Variants in CEP63 observed in about 807,000 individuals in gnomAD.
CEP63 encodes centrosomal protein 63, also known as centrosomal protein of 63 kDa.
CEP63 carries 84 observed loss-of-function variants against 89.1 expected under a neutral mutation model. That is an observed-to-expected ratio of 0.94 (90% CI 0.79 to 1.13). CEP63 has a LOEUF of 1.13. Among genes scored for constraint, CEP63 ranks in the 50% most tolerant of loss-of-function variants. The probability of loss-of-function intolerance (pLI) is 0.00; values close to 1 mark genes in which losing one functional copy is unlikely to be tolerated. For missense variants in CEP63, 838 were observed against 813.3 expected (o/e 1.03, Z -0.37); for synonymous variants, 267 against 272.5 (o/e 0.98, Z 0.20).
chr3:134,509,130 G>T (rs570887475), intron 3 of CEP63, among the ~76,000 whole-genome samples: 2 of 152,222 alleles, frequency 1.3e-5, no homozygotes, highest in South Asian at 4.1e-4. Flanking sequence ...GAAATCTGAG[G>T]CTGGGTAATT....
At chr3:134,587,387 G>A (rs1443180736) in intron 10 of CEP63, among the ~76,000 whole-genome samples, 1 of 152,128 alleles carries the variant, frequency 6.6e-6, no homozygotes, top group Non-Finnish European at 1.5e-5. Context: ...TGGTGTGGAT[G>A]TCCTTTTTGT....
In CEP63 at chr3:134,510,059, A is replaced by T. The variant is rs188378069; in HGVS notation, c.222+2773A>T. On this transcript the variant is annotated intron_variant, in intron 3 of 14. Transcript: ENST00000675561. The stretch of plus-strand genomic sequence containing the variant: ...ATGTGTTTTGGAGAGGGAGAGAATT[A>T]ACAGCCTTTCTCTGCCTTAGAATAC... Among the ~76,000 whole-genome samples the T allele has an allele frequency of 3.3e-5, 5 of 152,304 alleles. No individual in the cohort carries two copies. In the East Asian group the frequency reaches 9.7e-4, roughly 29 times the overall value.
At chr3:134,602,174 G>A in the CEP63 span, among the ~76,000 whole-genome samples, 1 of 152,170 alleles carries the variant, frequency 6.6e-6, no homozygotes, top group Non-Finnish European at 1.5e-5. Flanking sequence ...AGCTGGAGAA[G>A]CCGGGAGTTC....
chr3:134,497,081 T>C (rs1940344610), intron 2 of CEP63, among the ~76,000 whole-genome samples: 2 of 152,228 alleles, frequency 1.3e-5, no homozygotes, highest in Non-Finnish European at 2.9e-5. Context: ...TTTAGAGAAA[T>C]GTCTATTCAA....
At chr3:134,578,249 C>T (rs1011530956), downstream of CEP63, among the ~76,000 whole-genome samples, 1 of 151,666 alleles carries the variant, frequency 6.6e-6, no homozygotes, top group South Asian at 2.1e-4. Flanking sequence ...AGTGTAAAAG[C>T]GTTCCTATTT....
the CEP63 span, among the ~76,000 whole-genome samples, chr3:134,623,010 C>A: frequency 6.6e-6 from 1 of 152,244 alleles, no homozygotes; most frequent in Non-Finnish European, 1.5e-5. Flanking sequence ...GTTTCATTTT[C>A]TTCTACGTCC....
the CEP63 span, among the ~76,000 whole-genome samples, chr3:134,635,980 T>G: frequency 1.3e-5 from 2 of 152,236 alleles, no homozygotes; most frequent in Non-Finnish European, 2.9e-5. Flanking sequence ...AATGGCTACA[T>G]AGTATTCTAT....
intron 2 of CEP63, among the ~76,000 whole-genome samples, chr3:134,501,281 G>A (rs1375593532): frequency 6.6e-6 from 1 of 152,136 alleles, no homozygotes; most frequent in African/African-American, 2.4e-5. Context: ...CTCTAGCTTT[G>A]TTCTTCTTGC....
chr3:134,715,238 T>C, the CEP63 span, among the ~76,000 whole-genome samples: 1 of 152,178 alleles, frequency 6.6e-6, no homozygotes, highest in Non-Finnish European at 1.5e-5. Flanking sequence ...TATGAGCCCA[T>C]GTGGAGTAGG....
At chr3:134,572,112 A>AGAGT (rs1278444961) in intron 11 of CEP63, among the ~76,000 whole-genome samples, 1 of 152,200 alleles carries the variant, frequency 6.6e-6, no homozygotes, top group Non-Finnish European at 1.5e-5. Flanking sequence ...TGTGGACTCC[A>AGAGT]GGTTAAGAAT....
At chr3:134,672,864 A>G in the CEP63 span, among the ~76,000 whole-genome samples, 28 of 152,202 alleles carry the variant, frequency 1.8e-4, no homozygotes, top group Non-Finnish European at 4.0e-4. Context: ...ATCTCGCTCC[A>G]CAGCACAGCA....
At chr3:134,582,227 C>A (rs553720886) in intron 10 of CEP63, among the ~76,000 whole-genome samples, 1 of 151,986 alleles carries the variant, frequency 6.6e-6, no homozygotes, top group Non-Finnish European at 1.5e-5. Flanking sequence ...ATGTGCACAA[C>A]GTGCAGATCT....
At position 134,539,653 on chromosome 3, in the gene CEP63, C is replaced by G. The variant is rs1266578734; in HGVS notation, c.555+2385C>G. On this transcript the variant is annotated intron_variant, in intron 6 of 14. Transcript: ENST00000675561. Reference sequence around the variant, plus strand: ...CCATTGAACAATGACAGTAGAAAACCTGGGAGGCTGAGTAAGTGGATATTA... The same window carrying G: ...CCATTGAACAATGACAGTAGAAAACGTGGGAGGCTGAGTAAGTGGATATTA... 2.0e-5 allele frequency among the ~76,000 whole-genome samples: 3 copies of G among 151,942 alleles called. No homozygotes were observed. In the East Asian group the frequency reaches 5.8e-4, roughly 29 times the overall value.
At chr3:134,679,309 C>T in the CEP63 span, among the ~76,000 whole-genome samples, 25,043 of 152,176 alleles carry the variant, frequency 0.16, 2,117 homozygotes, top group Middle Eastern at 0.23. Context: ...CAAGGCCCCA[C>T]GGCTCATTTG....
At chr3:134,551,047 T>C (rs1954707336) in intron 11 of CEP63, among the ~76,000 whole-genome samples, 1 of 152,128 alleles carries the variant, frequency 6.6e-6, no homozygotes, top group South Asian at 2.1e-4. Context: ...TTTAATGAAA[T>C]AGAGAAAAGA....
At chr3:134,649,167 C>T in the CEP63 span, among the ~76,000 whole-genome samples, 13 of 152,238 alleles carry the variant, frequency 8.5e-5, no homozygotes, top group Admixed American at 4.6e-4. Flanking sequence ...CGGTGAGAAA[C>T]GGCCATCAGA....
At chr3:134,627,809 C>T in the CEP63 span, 54 of 1,612,830 alleles carry the variant, frequency 3.3e-5, no homozygotes, top group Non-Finnish European at 4.3e-5. Flanking sequence ...ATTTTTATCA[C>T]CTTGTAAACC....
At chr3:134,661,807 G>GCCC in the CEP63 span, among the ~76,000 whole-genome samples, 33 of 149,310 alleles carry the variant, frequency 2.2e-4, no homozygotes, top group Admixed American at 1.9e-3. Flanking sequence ...GAATATTTGT[G>GCCC]CCCCCCCCCT....
chr3:134,556,068 C>T (rs9852493), intron 12 of CEP63, among the ~76,000 whole-genome samples: 83,902 of 138,284 alleles, frequency 0.61, 25,374 homozygotes, highest in East Asian at 0.79. Context: ...ACTGGCTAGC[C>T]ATATGTAGAA....
Sources: gnomAD v4.1 joint callset for allele counts (sites outside exome capture counted in the v4.1 genomes callset) on GRCh38, gnomAD v4.1.1 for gene constraint, MANE v1.5 for transcripts, NCBI Gene and HGNC (gene_info 2026-07-23, HGNC 2026-07-21) for gene names.